The following ARL13B variants were observed in gnomAD, a reference collection of about 807,000 sequenced individuals.
ARL13B encodes ADP-ribosylation factor-like protein 13B.
In ARL13B, 36 loss-of-function variants were observed where a neutral mutation model predicts 56.1. That is an observed-to-expected ratio of 0.64 (90% CI 0.49 to 0.85). The LOEUF (loss-of-function observed/expected upper bound fraction) is 0.85, where lower values mean the gene tolerates loss of function less well. Among genes scored for constraint, ARL13B ranks in the 40% least tolerant of loss-of-function variants. The probability of loss-of-function intolerance (pLI) is 0.00; values close to 1 mark genes in which losing one functional copy is unlikely to be tolerated. For synonymous variants in ARL13B, 178 were observed against 171.1 expected (o/e 1.04, Z -0.32); for missense variants, 519 against 507.1 (o/e 1.02, Z -0.23).
At chr3:93,993,038 C>G (rs776589945) in intron 1 of ARL13B, among the ~76,000 whole-genome samples, 2 of 150,802 alleles carry the variant, frequency 1.3e-5, no homozygotes, top group African/African-American at 4.9e-5. Flanking sequence ...CGCCTGAGCT[C>G]GAGTGATCGG....
intron 2 of ARL13B, among the ~76,000 whole-genome samples, chr3:94,001,778 G>C (rs934524174): frequency 6.6e-6 from 1 of 152,094 alleles, no homozygotes; most frequent in Non-Finnish European, 1.5e-5. Flanking sequence ...TAGTTGATTT[G>C]TTTTCACTGA....
intron 3 of ARL13B, among the ~76,000 whole-genome samples, chr3:94,009,389 C>T (rs185537499): frequency 2.6e-5 from 4 of 151,898 alleles, no homozygotes; most frequent in Admixed American, 6.6e-5. Flanking sequence ...GGCAGTATTA[C>T]AGCAAAATGT....
Position 94,053,220 on chromosome 3 carries a change from T to C in ARL13B, c.1244T>C (p.Val415Ala). The change falls in exon 10 of 10, where the codon GTG (valine) becomes GCG (alanine). Residue 415 changes from valine (V) to alanine (A), a missense_variant. Physicochemically the swap from Val to Ala is moderately conservative, Grantham distance 64 (BLOSUM62 0). Transcript: ENST00000394222. ...AGGAAGCCACTGCCTCCCCTGGCTG[T>C]GCCACAGCGACCTAACAGTGATGCT... is the stretch of plus-strand genomic sequence containing the variant. The part of the protein sequence containing the change: ...FYRKPLPPLA[V>A]PQRPNSDAHD... 1 of 1,613,316 alleles carries C rather than the reference T, an allele frequency of 6.2e-7. No individual in the cohort carries two copies.
intron 1 of ARL13B, among the ~76,000 whole-genome samples, chr3:93,986,063 A>G (rs964645947): frequency 2.6e-5 from 4 of 152,210 alleles, no homozygotes; most frequent in African/African-American, 4.8e-5. Context: ...CTGTATGTAC[A>G]GATTAGCAAG....
chr3:93,988,069 C>T (rs545698617), intron 1 of ARL13B, among the ~76,000 whole-genome samples: 3 of 152,182 alleles, frequency 2.0e-5, no homozygotes, highest in East Asian at 1.9e-4. Flanking sequence ...TCTACCAATT[C>T]ACAGTTTAAT....
chr3:94,055,195 TA>T lies in ARL13B; in HGVS notation c.*1935del. The T allele has an allele frequency of 2.6e-6, 1 of 380,054 alleles. No homozygotes were observed. The highest frequency in any genetic ancestry group is 5.1e-6 in the Non-Finnish European group (1 of 197,292). 23.5% of individuals were successfully genotyped at this position (380,054 alleles called of 1,614,324 possible). On this transcript the variant is annotated 3_prime_UTR_variant, in exon 10 of 10. Transcript: ENST00000394222. ...GTAAATCCAGGTGTATTTTAACAAT[TA>T]AATGCCTATTTTGTTATATGTTATA... is the stretch of plus-strand genomic sequence containing the variant.
At chr3:94,048,553 C>T (rs2077018408) in intron 7 of ARL13B, among the ~76,000 whole-genome samples, 1 of 151,850 alleles carries the variant, frequency 6.6e-6, no homozygotes, top group African/African-American at 2.4e-5. Flanking sequence ...TTGGGCCTAC[C>T]TTCTTTAGGA....
At chr3:94,023,464 A>T (rs1020254298) in intron 3 of ARL13B, among the ~76,000 whole-genome samples, 2 of 152,082 alleles carry the variant, frequency 1.3e-5, no homozygotes, top group African/African-American at 4.8e-5. Flanking sequence ...TTTTCAACCT[A>T]GAAACTCATG....
At chr3:94,006,144 A>G (rs763477321) in intron 3 of ARL13B, among the ~76,000 whole-genome samples, 3 of 152,080 alleles carry the variant, frequency 2.0e-5, no homozygotes, top group African/African-American at 4.8e-5. Context: ...TACTAAAAAT[A>G]TAAAAAATTA....
At chr3:93,985,685 A>T (rs1365011861) in intron 1 of ARL13B, among the ~76,000 whole-genome samples, 1 of 152,174 alleles carries the variant, frequency 6.6e-6, no homozygotes, top group South Asian at 2.1e-4. Flanking sequence ...ATCATATTTC[A>T]ATTTTATTTT....
intron 2 of ARL13B, among the ~76,000 whole-genome samples, chr3:94,003,017 A>G (rs2076078474): frequency 6.6e-6 from 1 of 152,156 alleles, no homozygotes; most frequent in African/African-American, 2.4e-5. Flanking sequence ...TTGGCAGTTC[A>G]TATACCTCCT....
intron 7 of ARL13B, among the ~76,000 whole-genome samples, chr3:94,043,957 G>C (rs182640079): frequency 6.6e-6 from 1 of 151,816 alleles, no homozygotes; most frequent in African/African-American, 2.4e-5. Context: ...CTCACTCAAC[G>C]CTCAATGTTG....
At chr3:93,980,593 G>A (rs1710165168) in intron 1 of ARL13B, 111 bp downstream of exon 1, 3 of 1,354,988 alleles carry the variant, frequency 2.2e-6, no homozygotes, top group South Asian at 2.4e-5. Flanking sequence ...CAGGCCGCAA[G>A]GGATGCTTTC....
chr3:93,995,113 A>G (rs1056777331), intron 1 of ARL13B, among the ~76,000 whole-genome samples: 6 of 152,150 alleles, frequency 3.9e-5, no homozygotes, highest in African/African-American at 1.4e-4. Context: ...AGAAATGACT[A>G]TATAGTGGTA....
chr3:94,009,687 G>A (rs2076191788), intron 3 of ARL13B, among the ~76,000 whole-genome samples: 1 of 151,872 alleles, frequency 6.6e-6, no homozygotes, highest in Admixed American at 6.6e-5. Context: ...AGGTCTATTG[G>A]CTTAAGATTT....
At position 94,043,124 on chromosome 3, in the gene ARL13B, A is replaced by T. The variant is rs1347845625; in HGVS notation, c.908A>T (p.Gln303Leu). Residue 303 changes from glutamine to leucine, a missense_variant, in exon 7 of 10, where the codon CAG becomes CTG. Transcript: ENST00000394222. ...CATGAGCAAATAGAGACACAAGGCC[A>T]GGTTAATCACAATGGCCAAAAAAAT... ...MEHEQIETQGQVNHNGQKNNE... is the reference protein window; with the variant it reads ...MEHEQIETQGLVNHNGQKNNE... 1.2e-6 allele frequency: 2 copies of T among 1,613,728 alleles called. No homozygotes were observed. The highest frequency in any genetic ancestry group is 1.7e-6 in the Non-Finnish European group (2 of 1,179,950).
chr3:94,022,885 A>T (rs2076478854), intron 3 of ARL13B, among the ~76,000 whole-genome samples: 1 of 152,048 alleles, frequency 6.6e-6, no homozygotes, highest in Non-Finnish European at 1.5e-5. Flanking sequence ...TTAATTTTGT[A>T]CATACATCAC....
In ARL13B at chr3:94,015,019, C is replaced by T. The variant is rs780520443; in HGVS notation, c.380+11111C>T. ...AGACTCTCTCTTAAGTAGACTAAAC[C>T]TTCTCATTGAAGCCACCAGACTTTT... On this transcript the variant is annotated intron_variant, in intron 3 of 9. Transcript: ENST00000394222. 1.9e-6 allele frequency: 3 copies of T among 1,613,884 alleles called. No individual in the cohort carries two copies. The African/African-American group carries it at 4.0e-5, about 22-fold the overall frequency.
At position 93,988,285 on chromosome 3, in the gene ARL13B, G is replaced by T. The variant is rs561792438; in HGVS notation, c.60-7589G>T. Among the ~76,000 whole-genome samples, 3 of 149,624 alleles carry T rather than the reference G, an allele frequency of 2.0e-5. No homozygotes were observed. The South Asian group carries it at 6.4e-4, about 32-fold the overall frequency. ...AATAGAAGTAATTTAAAATGTTCAAGACATTAAATGCAGGATTCTGACTCT... is the reference window on the plus strand; with the variant it reads ...AATAGAAGTAATTTAAAATGTTCAATACATTAAATGCAGGATTCTGACTCT... On this transcript the variant is annotated intron_variant, in intron 1 of 9. Transcript: ENST00000394222.
Sources: allele counts gnomAD v4.1 joint callset (sites outside exome capture counted in the v4.1 genomes callset), GRCh38; gene constraint gnomAD v4.1.1; transcripts MANE v1.5; gene names NCBI Gene and HGNC (gene_info 2026-07-23, HGNC 2026-07-21).